CSRNP2: variants seen among roughly 807,000 people sequenced by gnomAD.
CSRNP2 encodes cysteine/serine-rich nuclear protein 2.
CSRNP2 carries 11 observed loss-of-function variants against 36.6 expected under a neutral mutation model. That is an observed-to-expected ratio of 0.30 (90% confidence interval 0.19 to 0.50). CSRNP2 has a LOEUF of 0.50. Ranked by LOEUF, CSRNP2 falls within the 20% of genes least tolerant of loss-of-function variation. The pLI, the probability that CSRNP2 is intolerant of heterozygous loss-of-function variation, is 0.98. For missense variants in CSRNP2, 483 were observed against 691.4 expected (o/e 0.70, Z 3.38); for synonymous variants, 248 against 275.3 (o/e 0.90, Z 0.98).
Position 51,067,366 on chromosome 12 carries a change from G to A in CSRNP2, c.708+307C>T, listed in dbSNP as rs1938508711. On this transcript the variant is annotated intron_variant, in intron 4 of 4. Coordinates refer to ENST00000228515, the MANE Select transcript of CSRNP2 (RefSeq NM_030809.3). This position sits in a 1 kb window ranked among gnomAD's most constrained non-coding sequence, Gnocchi z 4.1. ...TTCTTTGCAAAAATTTTAAGAGACA[G>A]GGTCTCACTCTGTGACCCAGGCTGG... Among the ~76,000 whole-genome samples, 1 of 152,110 alleles carries A rather than the reference G, an allele frequency of 6.6e-6. No individual in the cohort carries two copies. The highest frequency in any genetic ancestry group is 6.6e-5 in the Admixed American group (1 of 15,262).
chr12:51,069,515 G>A (rs7966091), intron 3 of CSRNP2, among the ~76,000 whole-genome samples: 7,519 of 149,118 alleles, frequency 0.05, 753 homozygotes, highest in African/African-American at 0.15. Context: ...TCGAACTCCC[G>A]ACCTCAACTG....
intron 3 of CSRNP2, among the ~76,000 whole-genome samples, chr12:51,072,632 AG>A (rs11299742): frequency 0.6 from 74,359 of 124,182 alleles, 19,648 homozygotes; most frequent in Non-Finnish European, 0.65. Context: ...GTCTTTTCCC[AG>A]CCTCTCTCTC....
At chr12:51,066,249 T>C (rs916716831) in intron 4 of CSRNP2, among the ~76,000 whole-genome samples, 1 of 151,164 alleles carries the variant, frequency 6.6e-6, no homozygotes, top group Non-Finnish European at 1.5e-5. Context: ...GGTCAAGAGA[T>C]CGAGACCATC....
At position 51,061,633 on chromosome 12, in the gene CSRNP2, G is replaced by A. The variant is rs993258452; in HGVS notation, c.*2113C>T. 1 of 152,546 alleles carries A rather than the reference G, an allele frequency of 6.6e-6. No individual in the cohort carries two copies. The highest frequency in any genetic ancestry group is 6.5e-5 in the Admixed American group (1 of 15,276). 9.4% of individuals were successfully genotyped at this position (152,546 alleles called of 1,614,324 possible). ...GTCACAACTGTAGCGTTAATGAAGGGGATGGACTTAAATTAAGAAACTACA... is the reference window on the plus strand; with the variant it reads ...GTCACAACTGTAGCGTTAATGAAGGAGATGGACTTAAATTAAGAAACTACA... On this transcript the variant is annotated 3_prime_UTR_variant, in exon 5 of 5. Coordinates refer to ENST00000228515, the MANE Select transcript of CSRNP2 (RefSeq NM_030809.3).
chr12:51,065,050 T>G (rs565773855), intron 4 of CSRNP2, among the ~76,000 whole-genome samples: 31 of 152,286 alleles, frequency 2.0e-4, no homozygotes, highest in Middle Eastern at 6.8e-3. Flanking sequence ...CCTCAGAGAC[T>G]TTTTCAGAAC....
chr12:51,063,944 T>A lies in CSRNP2; in HGVS notation c.1434A>T (p.Thr478=). Residue 478 remains threonine (T), a synonymous_variant, in exon 5 of 5, where the codon ACA becomes ACT. Coordinates refer to ENST00000228515, the MANE Select transcript of CSRNP2 (RefSeq NM_030809.3). The part of the protein sequence containing the change: ...AALCKSEVGK[T]PTLEALLPED... ...CGGGCAATAGAGCTTCTAGGGTGGG[T>A]GTTTTCCCCACCTCTGATTTACAGA... 1 of 1,613,040 alleles carries A rather than the reference T, an allele frequency of 6.2e-7. No individual in the cohort carries two copies. The highest frequency in any genetic ancestry group is 8.5e-7 in the Non-Finnish European group (1 of 1,179,190).
intron 1 of CSRNP2, among the ~76,000 whole-genome samples, chr12:51,079,994 A>G: frequency 7.0e-6 from 1 of 141,864 alleles, no homozygotes; most frequent in East Asian, 2.1e-4. Context: ...AATCGCTTGA[A>G]CCCAGGAGGC....
chr12:51,080,138 AGGCAGGCAGGCAG>A (rs1939581310), intron 1 of CSRNP2, among the ~76,000 whole-genome samples: 2 of 1,692 alleles, frequency 1.2e-3, no homozygotes, highest in Non-Finnish European at 0.02. Context: ...GCAGGCAGGC[AGGCAGGCAGGCAG>A]GCAGGCAGGC....
chr12:51,083,560 G>C lies in CSRNP2; in HGVS notation c.-308C>G, dbSNP rs539121192. The stretch of plus-strand genomic sequence containing the variant: ...TCCGGCAACTCGGGCGCCCCCGGCA[G>C]CAGACGCCCAGAACCGCCCCGGCTC... On this transcript the variant is annotated 5_prime_UTR_variant, in exon 1 of 5. Transcript: ENST00000228515. 1 of 152,290 alleles carries C rather than the reference G, an allele frequency of 6.6e-6. No individual in the cohort carries two copies. The highest frequency in any genetic ancestry group is 1.5e-5 in the Non-Finnish European group (1 of 68,084). The allele number at this position is 152,290 out of a possible 1,614,324, so 9.4% of individuals were successfully genotyped here. A position where few individuals can be genotyped will look rare whatever the true frequency, so the allele number is the denominator to read the frequency against.
At chr12:51,076,337 C>T (rs967248337) in intron 2 of CSRNP2, 74 bp downstream of exon 2, 92 of 1,520,386 alleles carry the variant, frequency 6.1e-5, no homozygotes, top group African/African-American at 3.3e-4. Flanking sequence ...GCCACACAGA[C>T]GCTGTCTCGA....
At chr12:51,072,541 C>A (rs537788457) in intron 3 of CSRNP2, among the ~76,000 whole-genome samples, 2 of 117,470 alleles carry the variant, frequency 1.7e-5, no homozygotes, top group African/African-American at 3.5e-5. Flanking sequence ...CCAGCCTGGG[C>A]AACAGAGCTA....
Position 51,064,775 on chromosome 12 carries a change from G to A in CSRNP2, c.709-106C>T, listed in dbSNP as rs2029147. 0.92 allele frequency: 883,140 copies of A among 955,442 alleles called. 408,765 individuals are homozygous for A. The highest frequency in any genetic ancestry group is 0.98 in the East Asian group (36,915 of 37,514). The allele number at this position is 955,442 out of a possible 1,614,324, so 59.2% of individuals were successfully genotyped here. A position where few individuals can be genotyped will look rare whatever the true frequency, so the allele number is the denominator to read the frequency against. ...GGCAGTTGGGATTTGAGGTCTCCTT[G>A]TAAGAAGAAAAGCAACCAATTCAAA... On this transcript the variant is annotated intron_variant, in intron 4 of 4. Transcript: ENST00000228515.
At chr12:51,065,512 T>C (rs1938085850) in intron 4 of CSRNP2, among the ~76,000 whole-genome samples, 1 of 152,196 alleles carries the variant, frequency 6.6e-6, no homozygotes, top group Admixed American at 6.5e-5. Flanking sequence ...TTTTTTCCTT[T>C]GGAGATAGGG....
intron 1 of CSRNP2, among the ~76,000 whole-genome samples, chr12:51,081,042 C>T (rs1939620449): frequency 2.0e-5 from 3 of 152,164 alleles, no homozygotes; most frequent in African/African-American, 4.8e-5. Context: ...AATCCTAGCA[C>T]TTTGGGAGGC....
chr12:51,076,856 G>A (rs1939423975), intron 1 of CSRNP2: 1 of 277,116 alleles, frequency 3.6e-6, no homozygotes, highest in Non-Finnish European at 7.0e-6. Flanking sequence ...AGAATAATGA[G>A]ATGGGTAGCA....
chr12:51,072,751 T>G (rs1939237044), intron 3 of CSRNP2, among the ~76,000 whole-genome samples: 1 of 152,084 alleles, frequency 6.6e-6, no homozygotes, highest in Non-Finnish European at 1.5e-5. Flanking sequence ...GTAAGGGTGA[T>G]GGGGATTATA....
At position 51,079,358 on chromosome 12, in the gene CSRNP2, T is replaced by TA. The variant is rs879833809; in HGVS notation, c.-86-2712dup. Among the ~76,000 whole-genome samples, 514 of 142,348 alleles carry TA rather than the reference T, an allele frequency of 3.6e-3. 1 individual carries two copies. Among genetic ancestry groups the TA allele is most frequent in the African/African-American group, 9.5e-3 (370 of 38,916 alleles). The allele number at this position is 142,348 out of a possible 152,430, so 93.4% of individuals were successfully genotyped here. On this transcript the variant is annotated intron_variant, in intron 1 of 4. Coordinates refer to ENST00000228515, the MANE Select transcript of CSRNP2 (RefSeq NM_030809.3). The stretch of plus-strand genomic sequence containing the variant: ...ACATATACCCTAGAACTTAAAGTAT[T>TA]AAAAAAAAAAAAAGATACCGATCGA...
intron 3 of CSRNP2, among the ~76,000 whole-genome samples, chr12:51,073,226 A>AACATACATACATACAT (rs112779685): frequency 6.0e-5 from 9 of 150,892 alleles, no homozygotes; most frequent in South Asian, 2.1e-4. Context: ...CTCAAAAGAA[A>AACATACATACATACAT]ACATACATAC....
At chr12:51,068,009 C>A (rs377632407) in intron 3 of CSRNP2, 40 bp from the exon 4 acceptor site, 89 of 1,581,684 alleles carry the variant, frequency 5.6e-5, no homozygotes, top group Non-Finnish European at 7.4e-5. Context: ...TAGACATGAG[C>A]GGCATGCACC....
Sources: allele counts gnomAD v4.1 joint callset (sites outside exome capture counted in the v4.1 genomes callset), GRCh38; gene constraint gnomAD v4.1.1; non-coding constraint Gnocchi (gnomAD v3.1); transcripts MANE v1.5; gene names NCBI Gene and HGNC (gene_info 2026-07-23, HGNC 2026-07-21).